The following PLIN2 variants were observed in gnomAD, a reference collection of about 807,000 sequenced individuals.
The protein encoded by PLIN2 is perilipin-2.
PLIN2 carries 33 observed loss-of-function variants against 30.6 expected under a neutral mutation model. The observed-to-expected ratio is 1.08, with a 90% confidence interval of 0.82 to 1.44. The LOEUF (loss-of-function observed/expected upper bound fraction) is 1.44, where lower values mean the gene tolerates loss of function less well. Ranked by LOEUF, PLIN2 falls within the 40% of genes most tolerant of loss-of-function variation. The probability of loss-of-function intolerance (pLI) is 0.00; values close to 1 mark genes in which losing one functional copy is unlikely to be tolerated. For missense variants in PLIN2, 610 were observed against 531.8 expected (o/e 1.15, Z -1.45); for synonymous variants, 205 against 201.1 (o/e 1.02, Z -0.16).
chr9:19,110,083 G>C (rs963853597), intron 2 of PLIN2, among the ~76,000 whole-genome samples: 2 of 152,114 alleles, frequency 1.3e-5, no homozygotes, highest in South Asian at 4.1e-4. Context: ...GAGTGCAGTG[G>C]CGTAATCTCA....
chr9:19,123,785 C>T (rs1818356110), intron 3 of PLIN2, 138 bp from the exon 4 acceptor site: 1 of 650,132 alleles, frequency 1.5e-6, no homozygotes, highest in Non-Finnish European at 2.6e-6. Context: ...CTTTGGGAGG[C>T]TGAGGCAGGC....
At chr9:19,123,954 G>T (rs1345320981) in intron 3 of PLIN2, among the ~76,000 whole-genome samples, 2 of 149,314 alleles carry the variant, frequency 1.3e-5, no homozygotes, top group Non-Finnish European at 3.0e-5. Context: ...AGGAAGCAGG[G>T]GTTCCAGTGA....
At chr9:19,115,105 C>G (rs902395789), downstream of PLIN2, among the ~76,000 whole-genome samples, 4 of 152,146 alleles carry the variant, frequency 2.6e-5, no homozygotes, top group African/African-American at 9.7e-5. Context: ...GCTCTGATTC[C>G]TTTTCAGTGA....
chr9:19,123,544 G>A, intron 4 of PLIN2, 21 bp downstream of exon 4: 1 of 1,614,150 alleles, frequency 6.2e-7, no homozygotes, highest in South Asian at 1.1e-5. Context: ...TCAAGTCTCA[G>A]CACTTTTGTC....
At position 19,126,329 on chromosome 9, in the gene PLIN2, G is replaced by A. The variant is rs1462187613; in HGVS notation, c.31-20C>T. Reference sequence around the variant, plus strand: ...CACACTCTGCAATCAAAGTAGGGAGGGTATGCTTATTAATCTCTCAAAACA... The same window carrying A: ...CACACTCTGCAATCAAAGTAGGGAGAGTATGCTTATTAATCTCTCAAAACA... On this transcript the variant is annotated intron_variant, in intron 2 of 7. Transcript: ENST00000276914. 1.5e-5 allele frequency: 24 copies of A among 1,612,980 alleles called. No homozygotes were observed. The highest frequency in any genetic ancestry group is 2.0e-5 in the Non-Finnish European group (24 of 1,179,228).
downstream of PLIN2, among the ~76,000 whole-genome samples, chr9:19,113,837 C>T (rs998189694): frequency 6.6e-6 from 1 of 150,552 alleles, no homozygotes; most frequent in Admixed American, 6.6e-5. Context: ...TGCAATGGCG[C>T]AATCTCAGCT....
chr9:19,125,069 T>C (rs926520948), intron 3 of PLIN2, among the ~76,000 whole-genome samples: 33 of 152,222 alleles, frequency 2.2e-4, no homozygotes, highest in African/African-American at 8.0e-4. Context: ...CTCAGGGTGG[T>C]TGTTAGGAAA....
chr9:19,121,040 C>T lies in PLIN2; in HGVS notation c.435G>A (p.Val145=), dbSNP rs1451342664. Residue 145 remains valine, a synonymous_variant, in exon 5 of 8, where the codon GTG becomes GTA. Transcript: ENST00000276914. ...TGVMDKTKGA[V]TGSVEKTKSV... is the part of the protein sequence containing the mutation. The stretch of plus-strand genomic sequence containing the variant: ...ACTTGGTCTTCTCCACACTGCCAGT[C>T]ACTGCCCCTTTGGTCTTGTCCATCA... 1 of 1,614,232 alleles carries T rather than the reference C, an allele frequency of 6.2e-7. No individual in the cohort carries two copies. The highest frequency in any genetic ancestry group is 1.1e-5 in the South Asian group (1 of 91,088).
intron 4 of PLIN2, chr9:19,123,217 A>C (rs1818345980): frequency 3.8e-6 from 3 of 784,716 alleles, no homozygotes; most frequent in Admixed American, 2.8e-5. Flanking sequence ...AGCATTGTAC[A>C]AGCCAGGTGA....
At chr9:19,125,064 G>A (rs1818374688) in intron 3 of PLIN2, among the ~76,000 whole-genome samples, 1 of 152,150 alleles carries the variant, frequency 6.6e-6, no homozygotes, top group Admixed American at 6.5e-5. Context: ...GCTGCCTCAG[G>A]GTGGTTGTTA....
downstream of PLIN2, among the ~76,000 whole-genome samples, chr9:19,113,958 A>G (rs1818189154): frequency 6.6e-6 from 1 of 151,966 alleles, no homozygotes; most frequent in Non-Finnish European, 1.5e-5. Flanking sequence ...TATTTTTAGT[A>G]GAGACAAGGT....
Position 19,116,329 on chromosome 9 carries a change from C to G in PLIN2, c.1233G>C (p.Glu411Asp). 6.2e-7 allele frequency: 1 copy of G among 1,614,084 alleles called. No homozygotes were observed. Among genetic ancestry groups the G allele is most frequent in the Non-Finnish European group, 8.5e-7 (1 of 1,180,026 alleles). The change falls in exon 8 of 8, where the codon GAG becomes GAC. Residue 411 changes from glutamate (E) to aspartate (D), a missense_variant. Coordinates refer to ENST00000276914, the MANE Select transcript of PLIN2 (RefSeq NM_001122.4). ...LVGPFYPQLTESQNAQDQGAE... is the reference protein window; with the variant it reads ...LVGPFYPQLTDSQNAQDQGAE... ...CACCTTGGTCCTGAGCATTCTGAGA[C>G]TCAGTCAGCTGAGGATAAAAGGGAC... is the stretch of plus-strand genomic sequence containing the variant.
In PLIN2 at chr9:19,116,481, C is replaced by A. The variant is rs536505816; in HGVS notation, c.1081G>T (p.Ala361Ser). The change falls in exon 8 of 8, where the codon GCC becomes TCC. Residue 361 changes from alanine (A) to serine (S), a missense_variant. Coordinates refer to ENST00000276914, the MANE Select transcript of PLIN2 (RefSeq NM_001122.4). ...GDIYSVFRNA[A>S]SFKEVSDSLL... ...CTGTCAGACACTTCTTTAAAGGAGG[C>A]AGCATTGCGGAACACTGAGTAGATG... is the stretch of plus-strand genomic sequence containing the variant. 1 of 1,614,158 alleles carries A rather than the reference C, an allele frequency of 6.2e-7. No individual in the cohort carries two copies. The highest frequency in any genetic ancestry group is 1.7e-5 in the Admixed American group (1 of 60,016).
Position 19,124,360 on chromosome 9 carries a change from G to A in PLIN2, c.227-713C>T, listed in dbSNP as rs920057249. On this transcript the variant is annotated intron_variant, in intron 3 of 7. Coordinates refer to ENST00000276914, the MANE Select transcript of PLIN2 (RefSeq NM_001122.4). ...CCTACGCTTACTTCAGCACAGGTCAGTGTATTTGGGGTCCTCAGGAGGAAA... is the reference window on the plus strand; with the variant it reads ...CCTACGCTTACTTCAGCACAGGTCAATGTATTTGGGGTCCTCAGGAGGAAA... Among the ~76,000 whole-genome samples the A allele has an allele frequency of 3.9e-5, 6 of 152,204 alleles. No homozygotes were observed. In the South Asian group the frequency reaches 6.2e-4, roughly 16 times the overall value.
chr9:19,123,291 C>T, intron 4 of PLIN2: 1 of 1,414,606 alleles, frequency 7.1e-7, no homozygotes, highest in Non-Finnish European at 9.7e-7. Flanking sequence ...TTACTTGAGA[C>T]AGCAATTTCA....
At chr9:19,118,728 A>T (rs997167791) in intron 6 of PLIN2, among the ~76,000 whole-genome samples, 1 of 152,028 alleles carries the variant, frequency 6.6e-6, no homozygotes, top group African/African-American at 2.4e-5. Context: ...ACTACAAAAA[A>T]TTTTTTTTGA....
At chr9:19,118,917 T>G (rs1460184883) in intron 6 of PLIN2, among the ~76,000 whole-genome samples, 3 of 152,178 alleles carry the variant, frequency 2.0e-5, no homozygotes, top group Non-Finnish European at 4.4e-5. Flanking sequence ...GGTCTCGAAC[T>G]CCTGACCTCA....
Position 19,116,545 on chromosome 9 carries a change from G to A in PLIN2, c.1017C>T (p.Ile339=), listed in dbSNP as rs2229536. 0.049 allele frequency: 78,738 copies of A among 1,614,074 alleles called. 2,170 individuals carry two copies. Among genetic ancestry groups the A allele is most frequent in the Non-Finnish European group, 0.054 (63,698 of 1,180,006 alleles). ...LSNIQGVPQN[I]QDQAKHMGVM... is the part of the protein sequence containing the mutation. ...CCCCCATGTGCTTGGCTTGATCTTG[G>A]ATGTTCTGTGGTACACCTTGGATGT... The change falls in exon 8 of 8, where the codon ATC becomes ATT. Residue 339 remains isoleucine, a synonymous_variant. Coordinates refer to ENST00000276914, the MANE Select transcript of PLIN2 (RefSeq NM_001122.4).
chr9:19,116,380 G>C lies in PLIN2; in HGVS notation c.1182C>G (p.Asn394Lys), dbSNP rs1038094102. The C allele has an allele frequency of 6.2e-7, 1 of 1,614,068 alleles. No homozygotes were observed. Among genetic ancestry groups the C allele is most frequent in the African/African-American group, 1.3e-5 (1 of 74,924 alleles). The stretch of plus-strand genomic sequence containing the variant: ...CTACCAGCCAGTTGAGGGGCGTGTT[G>C]TTAACAAGATAATCCATCACGTCAT... The part of the protein sequence containing the change: ...SLDDVMDYLV[N>K]NTPLNWLVGP... The change falls in exon 8 of 8, where the codon AAC becomes AAG. Residue 394 changes from asparagine (N) to lysine (K), a missense_variant. Asn to Lys is a moderately conservative substitution (Grantham distance 94, BLOSUM62 0). Coordinates refer to ENST00000276914, the MANE Select transcript of PLIN2 (RefSeq NM_001122.4).
Sources: gnomAD v4.1 joint callset for allele counts (sites outside exome capture counted in the v4.1 genomes callset) on GRCh38, gnomAD v4.1.1 for gene constraint, MANE v1.5 for transcripts, NCBI Gene and HGNC (gene_info 2026-07-23, HGNC 2026-07-21) for gene names.